The following SLC5A8 variants were observed in gnomAD, a reference collection of about 807,000 sequenced individuals.
The protein encoded by SLC5A8 is sodium-coupled monocarboxylate transporter 1.
In SLC5A8, 55 loss-of-function variants were observed where a neutral mutation model predicts 71.9. The observed-to-expected ratio is 0.77, with a 90% CI of 0.62 to 0.96. The LOEUF is 0.96. Ranked by LOEUF, SLC5A8 falls within the 40% of genes least tolerant of loss-of-function variation. The pLI is 0.00. For missense variants in SLC5A8, 701 were observed against 745.3 expected (o/e 0.94, Z 0.69); for synonymous variants, 307 against 276.1 (o/e 1.11, Z -1.11).
chr12:101,200,211 G>T (rs903439370), intron 3 of SLC5A8, among the ~76,000 whole-genome samples: 5 of 151,830 alleles, frequency 3.3e-5, no homozygotes, highest in South Asian at 2.1e-4. Context: ...CTCAGAAAAT[G>T]ATTTCTTGGG....
intron 9 of SLC5A8, among the ~76,000 whole-genome samples, chr12:101,180,405 A>G (rs2051921344): frequency 6.6e-6 from 1 of 152,236 alleles, no homozygotes; most frequent in Non-Finnish European, 1.5e-5. Flanking sequence ...TAATCTAATC[A>G]TCCATAAACA....
chr12:101,185,894 C>T (rs1263985557), intron 7 of SLC5A8, among the ~76,000 whole-genome samples: 2 of 152,070 alleles, frequency 1.3e-5, no homozygotes, highest in African/African-American at 4.8e-5. Flanking sequence ...AAGGTTTTGA[C>T]ACGATCTTCC....
intron 3 of SLC5A8, among the ~76,000 whole-genome samples, chr12:101,199,919 A>T (rs1593383342): frequency 1.3e-5 from 2 of 149,810 alleles, no homozygotes; most frequent in South Asian, 4.3e-4. Context: ...CCCTTACTTC[A>T]CTATAGCCTA....
chr12:101,204,425 G>A, intron 2 of SLC5A8, 75 bp downstream of exon 2: 3 of 1,277,964 alleles, frequency 2.3e-6, no homozygotes, highest in Non-Finnish European at 2.2e-6. Flanking sequence ...GTGATTCCCA[G>A]GTAAGCTTAA....
chr12:101,196,617 T>C (rs1471828628), intron 3 of SLC5A8, among the ~76,000 whole-genome samples: 2 of 152,034 alleles, frequency 1.3e-5, no homozygotes, highest in African/African-American at 2.4e-5. Context: ...GTATATCAAG[T>C]TTGTGACATT....
Position 101,156,833 on chromosome 12 carries a change from A to G in SLC5A8, c.*446T>C, listed in dbSNP as rs1434785190. ...ACCTGTTACCTCATTGCTCCCTAAGAATGGTGTATGTGGTAGGAGGGAAAA... is the reference window on the plus strand; with the variant it reads ...ACCTGTTACCTCATTGCTCCCTAAGGATGGTGTATGTGGTAGGAGGGAAAA... On this transcript the variant is annotated 3_prime_UTR_variant, in exon 15 of 15. Transcript: ENST00000536262. 6.2e-6 allele frequency: 1 copy of G among 160,896 alleles called. No individual in the cohort carries two copies. Among genetic ancestry groups the G allele is most frequent in the African/African-American group, 2.4e-5 (1 of 41,530 alleles). The allele number at this position is 160,896 out of a possible 1,614,324, so 10.0% of individuals were successfully genotyped here. A position where few individuals can be genotyped will look rare whatever the true frequency, so the allele number is the denominator to read the frequency against.
chr12:101,208,729 A>G (rs1869783873), intron 1 of SLC5A8, among the ~76,000 whole-genome samples: 1 of 152,200 alleles, frequency 6.6e-6, no homozygotes, highest in South Asian at 2.1e-4. Context: ...ACTGATCCCA[A>G]GATAACTACC....
At chr12:101,209,198 G>A (rs1869803522) in intron 1 of SLC5A8, among the ~76,000 whole-genome samples, 1 of 152,152 alleles carries the variant, frequency 6.6e-6, no homozygotes, top group Non-Finnish European at 1.5e-5. Context: ...AAGGTAGAAA[G>A]GACCATAGCG....
At chr12:101,159,464 GCCAA>G (rs988685234) in intron 13 of SLC5A8, among the ~76,000 whole-genome samples, 2 of 152,136 alleles carry the variant, frequency 1.3e-5, no homozygotes, top group Non-Finnish European at 2.9e-5. Context: ...GTGCTGAAAC[GCCAA>G]CCAAGTCTGT....
chr12:101,158,612 AT>A (rs1251975031), intron 13 of SLC5A8, among the ~76,000 whole-genome samples: 1 of 103,790 alleles, frequency 9.6e-6, no homozygotes, highest in Non-Finnish European at 1.9e-5. Context: ...ATATATATAT[AT>A]ATATATATAT....
intron 13 of SLC5A8, among the ~76,000 whole-genome samples, 187 bp downstream of exon 13, chr12:101,161,787 G>T (rs1184601153): frequency 6.6e-6 from 1 of 152,148 alleles, no homozygotes; most frequent in Non-Finnish European, 1.5e-5. Flanking sequence ...GCAGAACCAA[G>T]ATTCAAATAG....
intron 7 of SLC5A8, among the ~76,000 whole-genome samples, chr12:101,186,026 C>T (rs1219887256): frequency 1.3e-5 from 2 of 150,448 alleles, no homozygotes; most frequent in African/African-American, 2.4e-5. Flanking sequence ...CGTATGCAAG[C>T]AAGACACCCT....
At chr12:101,204,602 T>A (rs1046708876) in intron 1 of SLC5A8, 37 bp from the exon 2 acceptor site, 2 of 1,469,514 alleles carry the variant, frequency 1.4e-6, no homozygotes, top group Non-Finnish European at 1.9e-6. Context: ...ATCCTCTGGA[T>A]GCCTTTTTTA....
intron 9 of SLC5A8, among the ~76,000 whole-genome samples, chr12:101,181,808 A>G (rs1015523050): frequency 1.3e-5 from 2 of 152,238 alleles, no homozygotes; most frequent in Non-Finnish European, 2.9e-5. Context: ...AATTGGGTAC[A>G]TAATAAAATG....
intron 11 of SLC5A8, 86 bp from the exon 12 acceptor site, chr12:101,166,785 G>GCTTT: frequency 8.1e-7 from 1 of 1,238,216 alleles, no homozygotes; most frequent in Non-Finnish European, 1.1e-6. Context: ...GTTCAACATG[G>GCTTT]CACGAAATTA....
At chr12:101,158,621 TATATATATATATGTATC>T (rs1325881780) in intron 13 of SLC5A8, among the ~76,000 whole-genome samples, 1 of 131,314 alleles carries the variant, frequency 7.6e-6, no homozygotes, top group East Asian at 2.3e-4. Flanking sequence ...TATATATATA[TATATATATATATGTATC>T]ATATATATGT....
At chr12:101,159,149 AGCC>A (rs1479059786) in intron 13 of SLC5A8, among the ~76,000 whole-genome samples, 1 of 152,112 alleles carries the variant, frequency 6.6e-6, no homozygotes, top group African/African-American at 2.4e-5. Flanking sequence ...GGACCCCTGA[AGCC>A]TGATTTTTAT....
At chr12:101,183,910 T>C (rs949664075) in intron 8 of SLC5A8, among the ~76,000 whole-genome samples, 1 of 151,972 alleles carries the variant, frequency 6.6e-6, no homozygotes, top group Non-Finnish European at 1.5e-5. Flanking sequence ...GGATGTATGG[T>C]GGTGTATTAG....
chr12:101,186,124 T>C (rs1868634241), intron 7 of SLC5A8, among the ~76,000 whole-genome samples: 1 of 150,814 alleles, frequency 6.6e-6, no homozygotes, highest in Non-Finnish European at 1.5e-5. Context: ...GCAAAGTATA[T>C]TACAAACTTT....
Sources: allele counts gnomAD v4.1 joint callset (sites outside exome capture counted in the v4.1 genomes callset), GRCh38; gene constraint gnomAD v4.1.1; transcripts MANE v1.5; gene names NCBI Gene and HGNC (gene_info 2026-07-23, HGNC 2026-07-21).